DDHD1: variants seen among roughly 807,000 people sequenced by gnomAD.
DDHD1 encodes phospholipase DDHD1.
Under a neutral mutation model 96.4 loss-of-function variants are expected in DDHD1, and 49 were observed. That is an observed-to-expected ratio of 0.51 (90% CI 0.40 to 0.64). The LOEUF is 0.64. Among genes scored for constraint, DDHD1 ranks in the 30% least tolerant of loss-of-function variants. DDHD1 has a pLI of 0.00. For synonymous variants in DDHD1, 442 were observed against 446.5 expected (o/e 0.99, Z 0.13); for missense variants, 1,106 against 1,161.2 (o/e 0.95, Z 0.69).
Position 53,152,752 on chromosome 14 carries a change from G to A in DDHD1, c.347C>T (p.Ser116Leu), listed in dbSNP as rs1246089061. 1 of 1,557,162 alleles carries A rather than the reference G, an allele frequency of 6.4e-7. No individual in the cohort carries two copies. Among genetic ancestry groups the A allele is most frequent in the Admixed American group, 1.9e-5 (1 of 52,376 alleles). ...CGGAGGCTGCTGCGGCGGGTGCAGC[G>A]ACAAGGAGCTGCCGCCGCCGCCGCT... Reference protein sequence around the residue: ...GESGGGGSSLSLHPPQQPPLV... With the variant: ...GESGGGGSSLLLHPPQQPPLV... Residue 116 changes from serine (S) to leucine (L), a missense_variant, in exon 1 of 13, where the codon TCG becomes TTG. By Grantham distance (145) the Ser-to-Leu change is moderately radical. Transcript: ENST00000673822.
At position 53,058,655 on chromosome 14, in the gene DDHD1, A is replaced by C. The variant is rs112087903; in HGVS notation, c.1843-29T>G. The stretch of plus-strand genomic sequence containing the variant: ...AAATGATAAAGTCATCTTAAAGTTT[A>C]AAAATGGTGAAGTGTTATCTTTCAA... On this transcript the variant is annotated intron_variant, in intron 8 of 12. Transcript: ENST00000673822. The C allele has an allele frequency of 3.6e-5, 57 of 1,569,408 alleles. 2 individuals carry two copies. The African/African-American group carries it at 3.7e-4, about 10-fold the overall frequency.
At chr14:53,120,784 T>C (rs530001847) in intron 1 of DDHD1, among the ~76,000 whole-genome samples, 202 of 152,302 alleles carry the variant, frequency 1.3e-3, no homozygotes, top group African/African-American at 4.5e-3. Context: ...TTACATCTTA[T>C]ACAAAAATCA....
At chr14:53,121,366 G>A (rs866913574) in intron 1 of DDHD1, among the ~76,000 whole-genome samples, 5 of 152,108 alleles carry the variant, frequency 3.3e-5, no homozygotes, top group Non-Finnish European at 5.9e-5. Flanking sequence ...TGTGGAAGAC[G>A]GTGTGGCAAT....
At chr14:53,104,902 G>C (rs1399134137) in intron 1 of DDHD1, among the ~76,000 whole-genome samples, 1 of 151,960 alleles carries the variant, frequency 6.6e-6, no homozygotes, top group Non-Finnish European at 1.5e-5. Flanking sequence ...TCCGTCATTT[G>C]TACATACATA....
At position 53,152,976 on chromosome 14, in the gene DDHD1, G is replaced by C; in HGVS notation, c.123C>G (p.Phe41Leu). The change falls in exon 1 of 13, where the codon TTC (phenylalanine) becomes TTG (leucine). Residue 41 changes from phenylalanine to leucine, a missense_variant. Physicochemically the swap from Phe to Leu is conservative, Grantham distance 22. Transcript: ENST00000673822. ...RPAFGGGVCC[F>L]EHLPGGDPDD... Reference sequence around the variant, plus strand: ...CCGGGTCCCCGCCGGGCAGGTGCTCGAAGCAGCAGACGCCGCCGCCGAACG... The same window carrying C: ...CCGGGTCCCCGCCGGGCAGGTGCTCCAAGCAGCAGACGCCGCCGCCGAACG... The C allele has an allele frequency of 2.5e-6, 4 of 1,571,412 alleles. No individual in the cohort carries two copies. The highest frequency in any genetic ancestry group is 3.4e-6 in the Non-Finnish European group (4 of 1,161,708).
intron 1 of DDHD1, among the ~76,000 whole-genome samples, chr14:53,142,126 T>C (rs1196705051): frequency 1.3e-5 from 2 of 152,176 alleles, no homozygotes; most frequent in African/African-American, 2.4e-5. Flanking sequence ...AGAAATAAAT[T>C]AGGCCACAGA....
intron 1 of DDHD1, among the ~76,000 whole-genome samples, chr14:53,136,353 G>C (rs1042431297): frequency 1.1e-4 from 17 of 152,184 alleles, no homozygotes; most frequent in African/African-American, 4.1e-4. Context: ...AGAGTTTCCA[G>C]GCAATAGCAC....
intron 9 of DDHD1, among the ~76,000 whole-genome samples, chr14:53,057,723 G>A (rs913893326): frequency 3.3e-5 from 5 of 152,110 alleles, no homozygotes; most frequent in African/African-American, 1.2e-4. Flanking sequence ...TATTACAGGT[G>A]CAACATAACC....
In DDHD1 at chr14:53,048,309, C is replaced by T. The variant is rs942475059; in HGVS notation, c.2522-1360G>A. On this transcript the variant is annotated intron_variant, in intron 12 of 12. Transcript: ENST00000673822. ...ATAAAATACTTGTAAAATACATTGA[C>T]ATGGGCTTTTAACTAAGTTTTTTGG... Among the ~76,000 whole-genome samples the T allele has an allele frequency of 1.7e-4, 26 of 150,214 alleles. No individual in the cohort carries two copies. In the South Asian group the frequency reaches 5.3e-3, roughly 30 times the overall value.
intron 4 of DDHD1, among the ~76,000 whole-genome samples, chr14:53,084,707 C>T (rs975034074): frequency 6.6e-6 from 1 of 152,170 alleles, no homozygotes; most frequent in African/African-American, 2.4e-5. Context: ...CCAGCTTGAT[C>T]GATGCAGAAG....
At chr14:53,053,579 G>C (rs1332836229) in intron 11 of DDHD1, 1 of 152,110 alleles carries the variant, frequency 6.6e-6, no homozygotes, top group African/African-American at 2.4e-5. Context: ...ACAATTTAGA[G>C]TAGCAGACAC....
intron 1 of DDHD1, among the ~76,000 whole-genome samples, chr14:53,129,533 C>T (rs1889708561): frequency 6.6e-6 from 1 of 152,064 alleles, no homozygotes; most frequent in African/African-American, 2.4e-5. Flanking sequence ...TGATTATTCA[C>T]CCACATTTCA....
intron 1 of DDHD1, among the ~76,000 whole-genome samples, chr14:53,120,319 A>C (rs1162587249): frequency 6.6e-6 from 1 of 152,236 alleles, no homozygotes; most frequent in Non-Finnish European, 1.5e-5. Context: ...AAATGGAAAA[A>C]AATTCTATGC....
intron 1 of DDHD1, among the ~76,000 whole-genome samples, chr14:53,116,550 G>C (rs887610492): frequency 6.6e-6 from 1 of 152,170 alleles, no homozygotes; most frequent in Non-Finnish European, 1.5e-5. Flanking sequence ...AATCAAATTA[G>C]AACTCAGGAT....
chr14:53,102,267 A>C (rs1887357811), intron 2 of DDHD1, among the ~76,000 whole-genome samples: 1 of 152,108 alleles, frequency 6.6e-6, no homozygotes, highest in Admixed American at 6.5e-5. Context: ...ATAAGATCAC[A>C]GATATATAAA....
intron 9 of DDHD1, among the ~76,000 whole-genome samples, chr14:53,057,221 TTAAAAG>T (rs1008433240): frequency 1.3e-5 from 2 of 152,204 alleles, no homozygotes; most frequent in Admixed American, 6.5e-5. Context: ...AAAGGATCCT[TTAAAAG>T]ACTTTCCACA....
At chr14:53,088,321 A>T (rs1179529739) in intron 4 of DDHD1, among the ~76,000 whole-genome samples, 5 of 152,242 alleles carry the variant, frequency 3.3e-5, no homozygotes, top group African/African-American at 4.8e-5. Context: ...TCATTTTATG[A>T]GGCCAACATC....
chr14:53,040,267 G>A lies in DDHD1; in HGVS notation c.*6501C>T, dbSNP rs1881560563. The A allele has an allele frequency of 6.6e-6, 1 of 152,164 alleles. No homozygotes were observed. Among genetic ancestry groups the A allele is most frequent in the Non-Finnish European group, 1.5e-5 (1 of 68,034 alleles). 9.4% of individuals were successfully genotyped at this position (152,164 alleles called of 1,614,324 possible). ...TGCCTGTCTTTTCTAATATATAAGT[G>A]TACTTTATCCTCTGATGTTCTAGAG... is the stretch of plus-strand genomic sequence containing the variant. On this transcript the variant is annotated 3_prime_UTR_variant, in exon 13 of 13. Coordinates refer to ENST00000673822, the MANE Select transcript of DDHD1 (RefSeq NM_001160148.2).
chr14:53,059,863 C>CAA (rs60708379), intron 8 of DDHD1, among the ~76,000 whole-genome samples: 1,925 of 18,496 alleles, frequency 0.1, 413 homozygotes, highest in African/African-American at 0.23. Flanking sequence ...GACTCTGTCT[C>CAA]AAAAAAAAAA....
Sources: gnomAD v4.1 joint callset for allele counts (sites outside exome capture counted in the v4.1 genomes callset) on GRCh38, gnomAD v4.1.1 for gene constraint, MANE v1.5 for transcripts, NCBI Gene and HGNC (gene_info 2026-07-23, HGNC 2026-07-21) for gene names.